Variants in RIMS3 observed in about 807,000 individuals in gnomAD.
The protein encoded by RIMS3 is regulating synaptic membrane exocytosis protein 3.
A neutral mutation model predicts 29.2 loss-of-function variants in RIMS3; 15 were observed. The observed-to-expected ratio is 0.51, with a 90% CI of 0.34 to 0.79. The LOEUF (loss-of-function observed/expected upper bound fraction) is 0.79. RIMS3 is among the 30% of genes least tolerant of loss of function. The pLI, the probability that RIMS3 is intolerant of heterozygous loss-of-function variation, is 0.01. For synonymous variants in RIMS3, 161 were observed against 170.1 expected (o/e 0.95, Z 0.41); for missense variants, 342 against 421.4 (o/e 0.81, Z 1.65).
At chr1:40,637,380 G>T (rs1313085491) in intron 3 of RIMS3, among the ~76,000 whole-genome samples, 1 of 152,182 alleles carries the variant, frequency 6.6e-6, no homozygotes, top group Non-Finnish European at 1.5e-5. Flanking sequence ...GACAGGCTGA[G>T]AACAGGGTGC....
At chr1:40,656,643 C>T (rs1294975051) in intron 1 of RIMS3, among the ~76,000 whole-genome samples, 2 of 152,008 alleles carry the variant, frequency 1.3e-5, no homozygotes, top group African/African-American at 2.4e-5. Context: ...ATTAGCCGGG[C>T]GTGGTGGTGC....
rs994668753 is a variant in RIMS3, at chr1:40,647,083, A to G, written c.-32+585T>C. On this transcript the variant is annotated intron_variant, in intron 2 of 7. Coordinates refer to ENST00000372684, the MANE Select transcript of RIMS3 (RefSeq NM_014747.3). ...TTTAGTAGAGATGGGGTTTTGCCATATTGGCCAGGCTGGTCTCGAACTCCT... is the reference window on the plus strand; with the variant it reads ...TTTAGTAGAGATGGGGTTTTGCCATGTTGGCCAGGCTGGTCTCGAACTCCT... Among the ~76,000 whole-genome samples the G allele has an allele frequency of 5.3e-5, 8 of 151,864 alleles. No homozygotes were observed. The South Asian group carries it at 8.3e-4, about 16-fold the overall frequency.
chr1:40,657,101 G>A (rs183931588), intron 1 of RIMS3, among the ~76,000 whole-genome samples: 2 of 152,288 alleles, frequency 1.3e-5, no homozygotes, highest in Admixed American at 1.3e-4. Flanking sequence ...TCTAATATGA[G>A]CCTCAGAGCA....
intron 4 of RIMS3, 88 bp from the exon 5 acceptor site, chr1:40,633,269 G>A: frequency 1.0e-6 from 1 of 1,001,236 alleles, no homozygotes; most frequent in Non-Finnish European, 1.6e-6. Context: ...CTCTGGCCCT[G>A]GGGCCCTGGG....
At chr1:40,642,715 G>T (rs1646566498) in intron 2 of RIMS3, among the ~76,000 whole-genome samples, 1 of 151,816 alleles carries the variant, frequency 6.6e-6, no homozygotes, top group African/African-American at 2.4e-5. Flanking sequence ...TAGCACTTTG[G>T]GAGGCCGAGG....
the RIMS3 span, among the ~76,000 whole-genome samples, chr1:40,686,391 G>A: frequency 3.3e-5 from 5 of 152,032 alleles, no homozygotes; most frequent in Admixed American, 6.6e-5. Flanking sequence ...AGTGGCTCAC[G>A]CCTGTAATCC....
At chr1:40,666,852 C>G (rs904156445), upstream of RIMS3, among the ~76,000 whole-genome samples, 21 of 152,194 alleles carry the variant, frequency 1.4e-4, no homozygotes, top group South Asian at 6.2e-4. Context: ...TGGTGAAACC[C>G]CATCTCTACT....
At chr1:40,677,718 ATAAT>A in the RIMS3 span, among the ~76,000 whole-genome samples, 3 of 151,910 alleles carry the variant, frequency 2.0e-5, no homozygotes, top group African/African-American at 4.8e-5. Flanking sequence ...AAATAAATAA[ATAAT>A]TAATTAAAAA....
At chr1:40,672,657 T>C in the RIMS3 span, among the ~76,000 whole-genome samples, 1 of 152,174 alleles carries the variant, frequency 6.6e-6, no homozygotes, top group Non-Finnish European at 1.5e-5. Context: ...AGTCTTTTAC[T>C]GAGCAGCTAC....
Position 40,623,560 on chromosome 1 carries a change from G to A in RIMS3, c.*2957C>T. The A allele has an allele frequency of 2.5e-6, 1 of 398,702 alleles. No homozygotes were observed. The highest frequency in any genetic ancestry group is 4.4e-6 in the Non-Finnish European group (1 of 226,152). 24.7% of individuals were successfully genotyped at this position (398,702 alleles called of 1,614,324 possible). A position where few individuals can be genotyped will look rare whatever the true frequency, so the allele number is the denominator to read the frequency against. On this transcript the variant is annotated 3_prime_UTR_variant, in exon 8 of 8. Coordinates refer to ENST00000372684, the MANE Select transcript of RIMS3 (RefSeq NM_014747.3). The stretch of plus-strand genomic sequence containing the variant: ...GCTCCATTCCTGTAACCACTGCAGG[G>A]TTTCATCTGGGCAAGGGGGCATTTG...
intron 1 of RIMS3, among the ~76,000 whole-genome samples, chr1:40,660,473 G>A (rs1344636173): frequency 2.0e-5 from 3 of 151,506 alleles, no homozygotes; most frequent in African/African-American, 7.3e-5. Flanking sequence ...AACTTCTCAG[G>A]CTCAAGCGAT....
chr1:40,670,869 C>G, the RIMS3 span, among the ~76,000 whole-genome samples: 3 of 151,722 alleles, frequency 2.0e-5, no homozygotes, highest in South Asian at 6.2e-4. Context: ...TGAGCCACTG[C>G]GCCTGGCCAA....
chr1:40,624,447 T>C lies in RIMS3; in HGVS notation c.*2070A>G, dbSNP rs890284037. On this transcript the variant is annotated 3_prime_UTR_variant, in exon 8 of 8. Transcript: ENST00000372684. ...AGCCCTTTGTCCATTTCCAAGAACT[T>C]GACGAACGCAATGGGCCTGGGGAGA... 3.3e-5 allele frequency: 5 copies of C among 152,176 alleles called. No individual in the cohort carries two copies. Among genetic ancestry groups the C allele is most frequent in the African/African-American group, 4.8e-5 (2 of 41,438 alleles). The allele number at this position is 152,176 out of a possible 1,614,324, so 9.4% of individuals were successfully genotyped here.
chr1:40,672,832 C>G, the RIMS3 span, among the ~76,000 whole-genome samples: 1 of 149,578 alleles, frequency 6.7e-6, no homozygotes, highest in Admixed American at 6.7e-5. Context: ...TCACTGCACT[C>G]CAGCCTAGGT....
Position 40,622,959 on chromosome 1 carries a change from T to C in RIMS3, c.*3558A>G, listed in dbSNP as rs940588568. 2 of 155,034 alleles carry C rather than the reference T, an allele frequency of 1.3e-5. No homozygotes were observed. The highest frequency in any genetic ancestry group is 4.8e-5 in the African/African-American group (2 of 41,532). The allele number at this position is 155,034 out of a possible 1,614,324, so 9.6% of individuals were successfully genotyped here. A position where few individuals can be genotyped will look rare whatever the true frequency, so the allele number is the denominator to read the frequency against. On this transcript the variant is annotated 3_prime_UTR_variant, in exon 8 of 8. Coordinates refer to ENST00000372684, the MANE Select transcript of RIMS3 (RefSeq NM_014747.3). ...TCCAAAGAAGTACCCTTGGAGGTCT[T>C]TATTGTCTTTAAAAATGGAGGCTTC...
In RIMS3 at chr1:40,636,677, G is replaced by C. The variant is rs2148347671; in HGVS notation, c.218-620C>G. 2.0e-5 allele frequency among the ~76,000 whole-genome samples: 3 copies of C among 152,348 alleles called. No individual in the cohort carries two copies. The highest frequency in any genetic ancestry group is 2.0e-4 in the Admixed American group (3 of 15,306). On this transcript the variant is annotated intron_variant, in intron 3 of 7. Transcript: ENST00000372684. This position sits in a 1 kb window ranked among gnomAD's most constrained non-coding sequence, Gnocchi z 4.2. ...GAGGCCATTAGGAAAACAAGACAGA[G>C]AGGGACTGCTGGGTTGACCCAAATT...
At position 40,653,798 on chromosome 1, in the gene RIMS3, G is replaced by A. The variant is rs543044261; in HGVS notation, c.-206-5956C>T. ...GAGCACATAATTTATCATCCACCTG[G>A]GACCCTTGTGAGAATGAGCAGGGAC... is the stretch of plus-strand genomic sequence containing the variant. On this transcript the variant is annotated intron_variant, in intron 1 of 7. Coordinates refer to ENST00000372684, the MANE Select transcript of RIMS3 (RefSeq NM_014747.3). Among the ~76,000 whole-genome samples, 4 of 152,202 alleles carry A rather than the reference G, an allele frequency of 2.6e-5. No individual in the cohort carries two copies. The South Asian group carries it at 8.3e-4, about 32-fold the overall frequency.
the RIMS3 span, among the ~76,000 whole-genome samples, chr1:40,681,883 G>T: frequency 6.6e-6 from 1 of 151,830 alleles, no homozygotes; most frequent in East Asian, 1.9e-4. Context: ...ACTCCGACTG[G>T]AGTGCAGTGG....
At chr1:40,668,281 G>T (rs934784300), upstream of RIMS3, among the ~76,000 whole-genome samples, 1 of 149,020 alleles carries the variant, frequency 6.7e-6, no homozygotes, top group Non-Finnish European at 1.5e-5. Flanking sequence ...ATTTATCTGG[G>T]CATGATTGCA....
Sources: gnomAD v4.1 joint callset for allele counts (sites outside exome capture counted in the v4.1 genomes callset) on GRCh38, gnomAD v4.1.1 for gene constraint, Gnocchi (gnomAD v3.1) non-coding constraint, MANE v1.5 for transcripts, NCBI Gene and HGNC (gene_info 2026-07-23, HGNC 2026-07-21) for gene names.